Variants in CXCL12 observed in about 807,000 individuals in gnomAD.
CXCL12 encodes C-X-C motif chemokine ligand 12, also known as stromal cell-derived factor 1.
In CXCL12, 4 loss-of-function variants were observed where a neutral mutation model predicts 10.7. The ratio of observed to expected loss-of-function variants is 0.37; its 90% CI spans 0.18 to 0.86. CXCL12 has a LOEUF of 0.86. CXCL12 is among the 40% of genes least tolerant of loss of function. The probability of loss-of-function intolerance (pLI) is 0.43; values close to 1 mark genes in which losing one functional copy is unlikely to be tolerated. For synonymous variants in CXCL12, 54 were observed against 45.4 expected (o/e 1.19, Z -0.77); for missense variants, 122 against 110.4 (o/e 1.10, Z -0.47).
chr10:44,385,060 G>A lies in CXCL12; in HGVS notation c.-55C>T, dbSNP rs1316293225. The stretch of plus-strand genomic sequence containing the variant: ...GAGCGCGGGTCGGGGGCCGGACGCC[G>A]AGCGGGCAATGCGGCTGACGGAGAG... On this transcript the variant is annotated 5_prime_UTR_variant, in exon 1 of 3. Coordinates refer to ENST00000343575, the MANE Select transcript of CXCL12 (RefSeq NM_199168.4). 1.5e-6 allele frequency: 2 copies of A among 1,334,546 alleles called. No homozygotes were observed. Among genetic ancestry groups the A allele is most frequent in the East Asian group, 3.0e-5 (1 of 32,982 alleles). The allele number at this position is 1,334,546 out of a possible 1,614,324, so 82.7% of individuals were successfully genotyped here. A position where few individuals can be genotyped will look rare whatever the true frequency, so the allele number is the denominator to read the frequency against.
chr10:44,376,914 A>T (rs1588897469), downstream of CXCL12: 1 of 61,076 alleles, frequency 1.6e-5, no homozygotes. Flanking sequence ...CAATCGGGTT[A>T]AAAAAAAAAA....
downstream of CXCL12, chr10:44,372,370 G>A (rs762187625): frequency 1.3e-4 from 20 of 158,738 alleles, no homozygotes; most frequent in Non-Finnish European, 2.2e-4. Context: ...TCACCCCAAA[G>A]GACCACGGCT....
At chr10:44,376,171 A>G (rs1385789780), downstream of CXCL12, 2 of 811,330 alleles carry the variant, frequency 2.5e-6, no homozygotes, top group Admixed American at 5.5e-5. Flanking sequence ...TGGTCAAAGC[A>G]CTGTTTATCA....
downstream of CXCL12, chr10:44,371,885 A>G (rs1292058892): frequency 6.6e-6 from 1 of 152,642 alleles, no homozygotes; most frequent in African/African-American, 2.4e-5. Context: ...AAAAGTGAAC[A>G]TTTTAAGTGG....
Position 44,378,616 on chromosome 10 carries a change from C to G in CXCL12, c.*17G>C, listed in dbSNP as rs550431441. On this transcript the variant is annotated 3_prime_UTR_variant, in exon 3 of 3. Coordinates refer to ENST00000343575, the MANE Select transcript of CXCL12 (RefSeq NM_199168.4). ...CCTCGAGTGGGTCTAGCGGAAAGTC[C>G]TTTTTGGCTGTTGTGCTTACTTGTT... is the stretch of plus-strand genomic sequence containing the variant. The G allele has an allele frequency of 9.7e-5, 156 of 1,614,086 alleles. 2 individuals carry two copies. The South Asian group carries it at 1.6e-3, about 17-fold the overall frequency.
At chr10:44,372,567 C>T, downstream of CXCL12, 1 of 1,055,576 alleles carries the variant, frequency 9.5e-7, no homozygotes. Context: ...TCAGGTAACA[C>T]AAGACATTTT....
At chr10:44,384,865 G>C (rs933937813) in intron 1 of CXCL12, 80 bp downstream of exon 1, 17 of 1,408,508 alleles carry the variant, frequency 1.2e-5, no homozygotes, top group Non-Finnish European at 1.6e-5. Context: ...TGCGGGCGCA[G>C]GCAGAGGAGC....
At chr10:44,381,720 A>C (rs569524057) in intron 1 of CXCL12, among the ~76,000 whole-genome samples, 2 of 152,334 alleles carry the variant, frequency 1.3e-5, no homozygotes, top group African/African-American at 4.8e-5. Flanking sequence ...CAAGCCCTGG[A>C]GGGCTGGGAT....
At chr10:44,373,113 C>T (rs187899979), downstream of CXCL12, 107 of 1,534,542 alleles carry the variant, frequency 7.0e-5, no homozygotes, top group South Asian at 9.6e-5. Context: ...TGCTACGTGT[C>T]GCCAGTGACA....
At position 44,378,509 on chromosome 10, in the gene CXCL12, C is replaced by A; in HGVS notation, c.*124G>T. On this transcript the variant is annotated 3_prime_UTR_variant, in exon 3 of 3. Coordinates refer to ENST00000343575, the MANE Select transcript of CXCL12 (RefSeq NM_199168.4). The stretch of plus-strand genomic sequence containing the variant: ...CCCGATCCCAGATCAATGTGCCCAC[C>A]CCACACACACACCTGGTCCTCATGG... 6.4e-7 allele frequency: 1 copy of A among 1,554,534 alleles called. No homozygotes were observed. The highest frequency in any genetic ancestry group is 8.7e-7 in the Non-Finnish European group (1 of 1,149,592).
chr10:44,372,936 T>C, downstream of CXCL12: 1 of 1,535,968 alleles, frequency 6.5e-7, no homozygotes, highest in Non-Finnish European at 8.7e-7. Flanking sequence ...GGCGTCCCTC[T>C]TGGTGGCTCT....
intron 1 of CXCL12, among the ~76,000 whole-genome samples, chr10:44,382,642 G>C (rs1839667078): frequency 6.6e-6 from 1 of 152,082 alleles, no homozygotes; most frequent in Admixed American, 6.5e-5. Flanking sequence ...GATGAGGCCA[G>C]AAATCAGAGC....
At chr10:44,382,689 C>G (rs548878663) in intron 1 of CXCL12, among the ~76,000 whole-genome samples, 3 of 152,194 alleles carry the variant, frequency 2.0e-5, no homozygotes, top group African/African-American at 4.8e-5. Context: ...TCTCTCCTCT[C>G]CCCCTCCACC....
At chr10:44,370,676 T>C (rs1170516832) in exon 4 of CXCL12, 1 of 152,216 alleles carries the variant, frequency 6.6e-6, no homozygotes, top group African/African-American at 2.4e-5. Flanking sequence ...AAGGGTCCAA[T>C]GAGATCCAAT....
chr10:44,377,719 C>A lies in CXCL12; in HGVS notation c.*914G>T, dbSNP rs1839497239. The A allele has an allele frequency of 7.5e-6, 12 of 1,598,058 alleles. No homozygotes were observed. Among genetic ancestry groups the A allele is most frequent in the Non-Finnish European group, 1.0e-5 (12 of 1,179,754 alleles). On this transcript the variant is annotated 3_prime_UTR_variant, in exon 3 of 3. Coordinates refer to ENST00000343575, the MANE Select transcript of CXCL12 (RefSeq NM_199168.4). ...AAAATTGCATTTGATTCTGTAAAGA[C>A]TTGTCTTTTGCGGGTAAGCAGGGGG...
At chr10:44,376,365 T>TG (rs1306289104), downstream of CXCL12, among the ~76,000 whole-genome samples, 3 of 152,240 alleles carry the variant, frequency 2.0e-5, no homozygotes, top group Admixed American at 2.0e-4. Context: ...TCGTGGTCCT[T>TG]GTCACCCCAC....
At chr10:44,376,165 C>T, downstream of CXCL12, 2 of 866,438 alleles carry the variant, frequency 2.3e-6, no homozygotes, top group Non-Finnish European at 3.6e-6. Context: ...GGCCCCTGGT[C>T]AAAGCACTGT....
In CXCL12 at chr10:44,378,076, G is replaced by C. The variant is rs1588898790; in HGVS notation, c.*557C>G. ...AAGAGGAGGTGAAGGCAGTGGCGGCGCCCAGCCCCAGTCGGTATCTGAGTG... is the reference window on the plus strand; with the variant it reads ...AAGAGGAGGTGAAGGCAGTGGCGGCCCCCAGCCCCAGTCGGTATCTGAGTG... On this transcript the variant is annotated 3_prime_UTR_variant, in exon 3 of 3. Coordinates refer to ENST00000343575, the MANE Select transcript of CXCL12 (RefSeq NM_199168.4). 1 of 1,458,242 alleles carries C rather than the reference G, an allele frequency of 6.9e-7. No homozygotes were observed. The highest frequency in any genetic ancestry group is 9.0e-7 in the Non-Finnish European group (1 of 1,114,264). 90.3% of individuals were successfully genotyped at this position (1,458,242 alleles called of 1,614,324 possible).
Position 44,384,971 on chromosome 10 carries a change from A to G in CXCL12, c.35T>C (p.Val12Ala). The change falls in exon 1 of 3, where the codon GTG becomes GCG. Residue 12 changes from valine (V) to alanine (A), a missense_variant. Physicochemically the swap from Val to Ala is moderately conservative, Grantham distance 64. Transcript: ENST00000343575. Reference sequence around the variant, plus strand: ...GTCGCTGAGGCAGAGCGCGGTCAGCACGAGGACCAGCACGACCACGACCTT... The same window carrying G: ...GTCGCTGAGGCAGAGCGCGGTCAGCGCGAGGACCAGCACGACCACGACCTT... Reference protein sequence around the residue: ...NAKVVVVLVLVLTALCLSDGK... With the variant: ...NAKVVVVLVLALTALCLSDGK... 1.5e-6 allele frequency: 2 copies of G among 1,346,058 alleles called. No homozygotes were observed. Among genetic ancestry groups the G allele is most frequent in the Non-Finnish European group, 1.9e-6 (2 of 1,029,874 alleles). 83.4% of individuals were successfully genotyped at this position (1,346,058 alleles called of 1,614,324 possible).
Sources: gnomAD v4.1 joint callset for allele counts (sites outside exome capture counted in the v4.1 genomes callset) on GRCh38, gnomAD v4.1.1 for gene constraint, MANE v1.5 for transcripts, NCBI Gene and HGNC (gene_info 2026-07-23, HGNC 2026-07-21) for gene names.